Variants in KCNMB4 observed in about 807,000 individuals in gnomAD.
KCNMB4 encodes the protein calcium-activated potassium channel subunit beta-4.
A neutral mutation model predicts 20.7 loss-of-function variants in KCNMB4; 3 were observed. The observed-to-expected ratio is 0.14, with a 90% CI of 0.07 to 0.37. The LOEUF (loss-of-function observed/expected upper bound fraction) is 0.37. KCNMB4 is among the 10% of genes least tolerant of loss of function. The pLI, the probability that KCNMB4 is intolerant of heterozygous loss-of-function variation, is 1.00. For missense variants in KCNMB4, 168 were observed against 265.9 expected (o/e 0.63, Z 2.56); for synonymous variants, 110 against 113.4 (o/e 0.97, Z 0.19).
intron 1 of KCNMB4, among the ~76,000 whole-genome samples, chr12:70,390,338 C>T (rs968598342): frequency 3.9e-5 from 6 of 152,146 alleles, no homozygotes; most frequent in Non-Finnish European, 8.8e-5. Context: ...CCTGTAAATC[C>T]CAACTTTATG....
At chr12:70,422,041 A>G (rs1232481335) in intron 2 of KCNMB4, among the ~76,000 whole-genome samples, 1 of 152,170 alleles carries the variant, frequency 6.6e-6, no homozygotes, top group Non-Finnish European at 1.5e-5. Flanking sequence ...GTCCCAACAC[A>G]ATTTATTGAA....
At chr12:70,367,966 CTT>C (rs1883525541) in intron 1 of KCNMB4, among the ~76,000 whole-genome samples, 1 of 151,984 alleles carries the variant, frequency 6.6e-6, no homozygotes, top group Admixed American at 6.6e-5. Context: ...AGAAAAATAA[CTT>C]ATAAAAAGCA....
rs1883502886 is a variant in KCNMB4, at chr12:70,366,826, C to T, written c.92C>T (p.Ser31Leu). The change falls in exon 1 of 3, where the codon TCG becomes TTG. Residue 31 changes from serine (S) to leucine (L), a missense_variant. Transcript: ENST00000258111. ...TTTCTCATCATCTCCGGCGTCGTGT[C>T]GCTCTTCATCTTCGGCTTCTGCTGG... is the stretch of plus-strand genomic sequence containing the variant. ...GLFLIISGVV[S>L]LFIFGFCWLS... is the part of the protein sequence containing the mutation. 2 of 1,612,748 alleles carry T rather than the reference C, an allele frequency of 1.2e-6. No homozygotes were observed. The highest frequency in any genetic ancestry group is 1.7e-6 in the Non-Finnish European group (2 of 1,179,856).
intron 1 of KCNMB4, among the ~76,000 whole-genome samples, chr12:70,383,848 C>T (rs937178416): frequency 1.3e-5 from 2 of 152,214 alleles, no homozygotes; most frequent in Non-Finnish European, 2.9e-5. Flanking sequence ...TTGGGTGGAT[C>T]ACTTGAGGCC....
At chr12:70,379,315 C>T (rs1269277684) in intron 1 of KCNMB4, among the ~76,000 whole-genome samples, 1 of 152,206 alleles carries the variant, frequency 6.6e-6, no homozygotes, top group Admixed American at 6.5e-5. Flanking sequence ...GCTGTTTCAT[C>T]CATGGTGAAA....
At chr12:70,426,682 TC>T (rs1385830668) in intron 2 of KCNMB4, among the ~76,000 whole-genome samples, 1 of 152,212 alleles carries the variant, frequency 6.6e-6, no homozygotes, top group Non-Finnish European at 1.5e-5. Context: ...GGGAAACTAA[TC>T]TTTTTTACCT....
chr12:70,391,157 A>G (rs1338355159), intron 1 of KCNMB4, among the ~76,000 whole-genome samples: 1 of 152,182 alleles, frequency 6.6e-6, no homozygotes, highest in African/African-American at 2.4e-5. Flanking sequence ...AAGTGTTTTT[A>G]TACTTTCAGG....
At chr12:70,417,204 C>T (rs1053631878) in intron 2 of KCNMB4, among the ~76,000 whole-genome samples, 2 of 152,160 alleles carry the variant, frequency 1.3e-5, no homozygotes, top group East Asian at 1.9e-4. Context: ...AATTAGGGAA[C>T]AAATTACTGT....
chr12:70,420,203 C>CAGTAA (rs1565866450), intron 2 of KCNMB4, among the ~76,000 whole-genome samples: 2 of 152,092 alleles, frequency 1.3e-5, no homozygotes, highest in Non-Finnish European at 2.9e-5. Context: ...TATAGGAGAG[C>CAGTAA]GGTTTATGGT....
Position 70,366,898 on chromosome 12 carries a change from C to A in KCNMB4, c.164C>A (p.Thr55Lys), listed in dbSNP as rs766541538. 6.2e-7 allele frequency: 1 copy of A among 1,613,362 alleles called. No individual in the cohort carries two copies. Among genetic ancestry groups the A allele is most frequent in the African/African-American group, 1.3e-5 (1 of 74,912 alleles). The change falls in exon 1 of 3, where the codon ACG becomes AAG. Residue 55 changes from threonine (T) to lysine (K), a missense_variant. By Grantham distance (78) the Thr-to-Lys change is moderately conservative. Coordinates refer to ENST00000258111, the MANE Select transcript of KCNMB4 (RefSeq NM_014505.6). The stretch of plus-strand genomic sequence containing the variant: ...CTGCAAGCCACGGAGGCCAATTGCA[C>A]GGTGCTGTCGGTGCAGCAGATCGGC... The part of the protein sequence containing the change: ...QDLQATEANC[T>K]VLSVQQIGEV...
chr12:70,366,642 C>G lies in KCNMB4; in HGVS notation c.-93C>G, dbSNP rs1883497445. 18 of 854,396 alleles carry G rather than the reference C, an allele frequency of 2.1e-5. No individual in the cohort carries two copies. The highest frequency in any genetic ancestry group is 4.8e-5 in the East Asian group (1 of 20,884). 52.9% of individuals were successfully genotyped at this position (854,396 alleles called of 1,614,324 possible). The stretch of plus-strand genomic sequence containing the variant: ...TGCTGTCGCGCGGCGGCGGCGGTGG[C>G]GGCGGCGGCTCCTCCCGCCCGAGGC... On this transcript the variant is annotated 5_prime_UTR_variant, in exon 1 of 3. Transcript: ENST00000258111.
intron 1 of KCNMB4, among the ~76,000 whole-genome samples, chr12:70,381,560 G>T (rs1048420518): frequency 6.6e-6 from 1 of 152,166 alleles, no homozygotes; most frequent in Admixed American, 6.5e-5. Context: ...AAAGAATGAA[G>T]TGTTAATACA....
rs1398320385 is a variant in KCNMB4, at chr12:70,366,331, G to C, written c.-404G>C. The C allele has an allele frequency of 6.6e-6, 1 of 151,514 alleles. No individual in the cohort carries two copies. Among genetic ancestry groups the C allele is most frequent in the Admixed American group, 6.6e-5 (1 of 15,230 alleles). The allele number at this position is 151,514 out of a possible 1,614,324, so 9.4% of individuals were successfully genotyped here. ...GGGGCAGCTGCCGGGCGAGTCAGCG[G>C]AGTAGCGGCCAGCGGGCGATGGAGA... On this transcript the variant is annotated 5_prime_UTR_variant, in exon 1 of 3. Coordinates refer to ENST00000258111, the MANE Select transcript of KCNMB4 (RefSeq NM_014505.6).
intron 1 of KCNMB4, among the ~76,000 whole-genome samples, chr12:70,393,965 G>C (rs1018428433): frequency 6.6e-6 from 1 of 152,108 alleles, no homozygotes; most frequent in Non-Finnish European, 1.5e-5. Flanking sequence ...CAGCCTTAAA[G>C]ACACAAATCA....
intron 1 of KCNMB4, among the ~76,000 whole-genome samples, chr12:70,375,309 G>A (rs1178611062): frequency 6.6e-6 from 1 of 152,008 alleles, no homozygotes; most frequent in East Asian, 1.9e-4. Context: ...CAGTGGACGG[G>A]CAGCATCAGA....
At chr12:70,405,063 T>G (rs948609171) in intron 2 of KCNMB4, among the ~76,000 whole-genome samples, 9 of 152,104 alleles carry the variant, frequency 5.9e-5, no homozygotes, top group African/African-American at 9.7e-5. Flanking sequence ...GGAGAGTATT[T>G]TAAGGAGAAG....
chr12:70,401,783 C>A (rs1004293259), intron 2 of KCNMB4, among the ~76,000 whole-genome samples: 1 of 152,042 alleles, frequency 6.6e-6, no homozygotes, highest in Non-Finnish European at 1.5e-5. Context: ...GCCTCAGTAT[C>A]CCCACCACCT....
chr12:70,428,438 A>C (rs1869270450), intron 2 of KCNMB4, among the ~76,000 whole-genome samples: 1 of 152,276 alleles, frequency 6.6e-6, no homozygotes, highest in African/African-American at 2.4e-5. Flanking sequence ...TCACAGAAAG[A>C]AGGAAAGAGC....
At chr12:70,397,787 A>G (rs1355024430) in intron 1 of KCNMB4, among the ~76,000 whole-genome samples, 1 of 152,202 alleles carries the variant, frequency 6.6e-6, no homozygotes, top group East Asian at 1.9e-4. Flanking sequence ...ATCTGTTTTG[A>G]TTACATGTGG....
Sources: gnomAD v4.1 joint callset for allele counts (sites outside exome capture counted in the v4.1 genomes callset) on GRCh38, gnomAD v4.1.1 for gene constraint, MANE v1.5 for transcripts, NCBI Gene and HGNC (gene_info 2026-07-23, HGNC 2026-07-21) for gene names.